TCP11L2: variants seen among roughly 807,000 people sequenced by gnomAD.
TCP11L2 encodes T-complex protein 11-like protein 2.
A neutral mutation model predicts 50.7 loss-of-function variants in TCP11L2; 39 were observed. The ratio of observed to expected loss-of-function variants is 0.77; its 90% CI spans 0.60 to 1.01. The LOEUF (loss-of-function observed/expected upper bound fraction) is 1.01. Ranked by LOEUF, TCP11L2 falls within the 50% of genes least tolerant of loss-of-function variation. The pLI is 0.00. For missense variants in TCP11L2, 612 were observed against 614.7 expected, an observed-to-expected ratio of 1.00 and a Z score of 0.05; for synonymous variants, 192 against 219.3, an observed-to-expected ratio of 0.88 and a Z score of 1.10.
chr12:106,325,013 G>A (rs1243854729), intron 6 of TCP11L2: 3 of 152,214 alleles, frequency 2.0e-5, no homozygotes, highest in Admixed American at 6.5e-5. Flanking sequence ...ATCAGTATAT[G>A]TATGATATAT....
chr12:106,343,775 G>T (rs546592392), intron 9 of TCP11L2, among the ~76,000 whole-genome samples: 1 of 151,568 alleles, frequency 6.6e-6, no homozygotes, highest in Admixed American at 6.6e-5. Context: ...TTCTGCCCCA[G>T]CCTCCCTAGT....
At position 106,312,318 on chromosome 12, in the gene TCP11L2, A is replaced by C. The variant is rs1381917136; in HGVS notation, c.157+1086A>C. ...TGCTTTATGAACATCTTACTGCATG[A>C]AGCCTTTCTGGAAAGACTTTTGGAT... On this transcript the variant is annotated intron_variant, in intron 2 of 9. Transcript: ENST00000299045. The C allele has an allele frequency of 8.1e-6, 6 of 742,558 alleles. No individual in the cohort carries two copies. In the East Asian group the frequency reaches 4.0e-4, roughly 49 times the overall value. The allele number at this position is 742,558 out of a possible 1,614,324, so 46.0% of individuals were successfully genotyped here. A position where few individuals can be genotyped will look rare whatever the true frequency, so the allele number is the denominator to read the frequency against.
chr12:106,332,245 A>G (rs535909316), intron 6 of TCP11L2, among the ~76,000 whole-genome samples: 1 of 152,352 alleles, frequency 6.6e-6, no homozygotes, highest in African/African-American at 2.4e-5. Flanking sequence ...AACTCTGGGA[A>G]ATCATTAGGC....
At chr12:106,340,223 C>T (rs926460605) in intron 8 of TCP11L2, among the ~76,000 whole-genome samples, 1 of 152,132 alleles carries the variant, frequency 6.6e-6, no homozygotes, top group Non-Finnish European at 1.5e-5. Context: ...TTTTCCTTAC[C>T]TACTAAATAA....
intron 6 of TCP11L2, among the ~76,000 whole-genome samples, chr12:106,326,794 ATC>A (rs2035563021): frequency 6.6e-6 from 1 of 152,198 alleles, no homozygotes; most frequent in Non-Finnish European, 1.5e-5. Flanking sequence ...TTGCAGAGGG[ATC>A]TCTCACATCA....
chr12:106,315,854 C>T (rs1342394322), intron 3 of TCP11L2, among the ~76,000 whole-genome samples: 7 of 152,156 alleles, frequency 4.6e-5, no homozygotes, highest in Non-Finnish European at 8.8e-5. Context: ...AAAGTTGGTT[C>T]GTGGATTGAA....
intron 9 of TCP11L2, among the ~76,000 whole-genome samples, chr12:106,344,567 A>G (rs181561863): frequency 2.8e-4 from 42 of 152,360 alleles, no homozygotes; most frequent in Admixed American, 2.4e-3. Flanking sequence ...GTAAAAGGAA[A>G]GAATTCTAAG....
intron 2 of TCP11L2, 28 bp downstream of exon 2, chr12:106,311,260 G>A: frequency 6.2e-7 from 1 of 1,607,960 alleles, no homozygotes; most frequent in South Asian, 1.1e-5. Context: ...CAGGGGTTGT[G>A]GGTGGCAGGG....
intron 1 of TCP11L2, chr12:106,304,100 A>G (rs1466792549): frequency 6.6e-6 from 1 of 152,298 alleles, no homozygotes; most frequent in African/African-American, 2.4e-5. Context: ...TAGGGATTTC[A>G]TGCATCACCC....
At chr12:106,318,542 G>A (rs1403406670) in intron 4 of TCP11L2, 78 bp downstream of exon 4, 1 of 1,565,744 alleles carries the variant, frequency 6.4e-7, no homozygotes, top group Non-Finnish European at 8.7e-7. Flanking sequence ...TAGCCTGGGT[G>A]GCTTATAAAC....
intron 2 of TCP11L2, among the ~76,000 whole-genome samples, chr12:106,313,932 A>AT (rs1376455170): frequency 1.3e-5 from 2 of 151,514 alleles, no homozygotes; most frequent in Non-Finnish European, 2.9e-5. Context: ...TGCCCGGCTA[A>AT]TTTTTTTGTA....
intron 5 of TCP11L2, among the ~76,000 whole-genome samples, chr12:106,323,287 A>G (rs1273551190): frequency 2.0e-5 from 3 of 152,114 alleles, no homozygotes; most frequent in Admixed American, 2.0e-4. Context: ...TATATCATTA[A>G]GATTGTTTAT....
At chr12:106,329,598 T>G in intron 6 of TCP11L2, 2 of 1,364,724 alleles carry the variant, frequency 1.5e-6, no homozygotes, top group Non-Finnish European at 1.9e-6. Flanking sequence ...GCCCATGAAC[T>G]CTTTTTTTCC....
At chr12:106,345,405 C>T (rs767673408) in intron 9 of TCP11L2, among the ~76,000 whole-genome samples, 1 of 152,102 alleles carries the variant, frequency 6.6e-6, no homozygotes, top group Non-Finnish European at 1.5e-5. Context: ...GATGTGTGGT[C>T]CCCCTTGCCA....
intron 9 of TCP11L2, among the ~76,000 whole-genome samples, chr12:106,342,489 A>G (rs1006711270): frequency 5.9e-5 from 9 of 152,116 alleles, no homozygotes; most frequent in Non-Finnish European, 1.3e-4. Flanking sequence ...AACCTGAGAG[A>G]TGGTGTTCTA....
chr12:106,322,258 G>A (rs1402806834), intron 5 of TCP11L2, among the ~76,000 whole-genome samples: 1 of 152,104 alleles, frequency 6.6e-6, no homozygotes, highest in Admixed American at 6.5e-5. Flanking sequence ...CTCTACCCTT[G>A]CTCAGGTCCT....
At chr12:106,303,879 C>T (rs925020903) in intron 1 of TCP11L2, 2 of 152,214 alleles carry the variant, frequency 1.3e-5, no homozygotes, top group Non-Finnish European at 2.9e-5. Flanking sequence ...ACTCAAACGA[C>T]TTAAGTTTGG....
Position 106,323,608 on chromosome 12 carries a change from A to G in TCP11L2, c.734A>G (p.Glu245Gly). 6.2e-7 allele frequency: 1 copy of G among 1,604,374 alleles called. No homozygotes were observed. Among genetic ancestry groups the G allele is most frequent in the Non-Finnish European group, 8.5e-7 (1 of 1,175,484 alleles). ...PHLQRQLVEYERTKFQEILEE... is the reference protein window; with the variant it reads ...PHLQRQLVEYGRTKFQEILEE... ...CTTCAACGCCAGTTGGTGGAATATG[A>G]GAGAACCAAGTTCCAGGAAATTTTG... The change falls in exon 6 of 10, where the codon GAG (glutamate) becomes GGG (glycine). Residue 245 changes from glutamate to glycine, a missense_variant. Physicochemically the swap from Glu to Gly is moderately conservative, Grantham distance 98 (BLOSUM62 -2). Coordinates refer to ENST00000299045, the MANE Select transcript of TCP11L2 (RefSeq NM_152772.3).
At chr12:106,343,693 C>T (rs1016371951) in intron 9 of TCP11L2, among the ~76,000 whole-genome samples, 9 of 150,700 alleles carry the variant, frequency 6.0e-5, no homozygotes, top group South Asian at 2.1e-4. Flanking sequence ...CTTGCTCTGT[C>T]GCCCAGTCTG....
Sources: gnomAD v4.1 joint callset for allele counts (sites outside exome capture counted in the v4.1 genomes callset) on GRCh38, gnomAD v4.1.1 for gene constraint, MANE v1.5 for transcripts, NCBI Gene and HGNC (gene_info 2026-07-23, HGNC 2026-07-21) for gene names.